Variants in SYT9 observed in about 807,000 individuals in gnomAD.
The protein encoded by SYT9 is synaptotagmin 9.
Under a neutral mutation model 48.4 loss-of-function variants are expected in SYT9, and 22 were observed. The observed-to-expected ratio is 0.45, with a 90% CI of 0.32 to 0.65. The LOEUF is 0.65. Ranked by LOEUF, SYT9 falls within the 30% of genes least tolerant of loss-of-function variation. The probability of loss-of-function intolerance (pLI) is 0.03; values close to 1 mark genes in which losing one functional copy is unlikely to be tolerated. For synonymous variants in SYT9, 265 were observed against 245.0 expected (o/e 1.08, Z -0.76); for missense variants, 577 against 622.0 (o/e 0.93, Z 0.77).
intron 3 of SYT9, among the ~76,000 whole-genome samples, chr11:7,363,548 T>C (rs7121609): frequency 0.022 from 3,310 of 152,308 alleles, 110 homozygotes; most frequent in African/African-American, 0.076. Context: ...GATAAATCTT[T>C]ACATTGAACA....
At chr11:7,270,208 C>G (rs1848269028) in intron 1 of SYT9, among the ~76,000 whole-genome samples, 1 of 152,014 alleles carries the variant, frequency 6.6e-6, no homozygotes, top group South Asian at 2.1e-4. Context: ...ATATTTTAAA[C>G]CATGTTGACC....
chr11:7,411,561 T>C (rs1196301412), intron 3 of SYT9, among the ~76,000 whole-genome samples: 1 of 152,206 alleles, frequency 6.6e-6, no homozygotes, highest in East Asian at 1.9e-4. Context: ...TTGCCCTGTA[T>C]TGTTTCTGCT....
intron 2 of SYT9, among the ~76,000 whole-genome samples, chr11:7,308,402 C>T (rs1040234085): frequency 2.6e-5 from 4 of 152,072 alleles, no homozygotes; most frequent in East Asian, 1.9e-4. Flanking sequence ...CATGAAAGCC[C>T]GCGATGGAAG....
chr11:7,365,051 TC>T (rs1287664597), intron 3 of SYT9, among the ~76,000 whole-genome samples: 2 of 152,042 alleles, frequency 1.3e-5, no homozygotes, highest in Non-Finnish European at 2.9e-5. Context: ...TCCAGACCCC[TC>T]CTCCCAGGCC....
At chr11:7,358,420 T>C (rs912927758) in intron 3 of SYT9, among the ~76,000 whole-genome samples, 2 of 152,180 alleles carry the variant, frequency 1.3e-5, no homozygotes, top group African/African-American at 4.8e-5. Context: ...CAATTTTTCT[T>C]CCTTTTTAAT....
chr11:7,463,671 G>A (rs1322825826), intron 6 of SYT9, among the ~76,000 whole-genome samples: 1 of 152,168 alleles, frequency 6.6e-6, no homozygotes, highest in African/African-American at 2.4e-5. Flanking sequence ...CCTTAATCCT[G>A]TCATCTTGTG....
chr11:7,414,861 T>C lies in SYT9; in HGVS notation c.1045-1181T>C, dbSNP rs192445574. On this transcript the variant is annotated intron_variant, in intron 3 of 6. Coordinates refer to ENST00000318881, the MANE Select transcript of SYT9 (RefSeq NM_175733.4). Reference sequence around the variant, plus strand: ...AGAACTGAGAAGGGGAGGGAAAGCTTTGGACATTGAGGGCAAGAACCTGAA... The same window carrying C: ...AGAACTGAGAAGGGGAGGGAAAGCTCTGGACATTGAGGGCAAGAACCTGAA... Among the ~76,000 whole-genome samples the C allele has an allele frequency of 3.7e-3, 558 of 152,226 alleles. 5 individuals are homozygous for C. Among genetic ancestry groups the C allele is most frequent in the Middle Eastern group, 0.01 (3 of 294 alleles).
intron 1 of SYT9, among the ~76,000 whole-genome samples, chr11:7,242,222 T>C (rs927233401): frequency 2.6e-5 from 4 of 152,172 alleles, no homozygotes; most frequent in Non-Finnish European, 4.4e-5. Flanking sequence ...AATGAAGGCA[T>C]AGATCTGACT....
At chr11:7,396,359 A>C (rs1364099430) in intron 3 of SYT9, among the ~76,000 whole-genome samples, 7 of 152,160 alleles carry the variant, frequency 4.6e-5, no homozygotes, top group Non-Finnish European at 1.0e-4. Context: ...AGTATCATAT[A>C]GTACATTGTC....
chr11:7,243,540 C>T (rs545404864), intron 1 of SYT9, among the ~76,000 whole-genome samples: 137 of 152,128 alleles, frequency 9.0e-4, no homozygotes, highest in Non-Finnish European at 1.7e-3. Flanking sequence ...TTTGTCAAAG[C>T]TTTGTTACTA....
At chr11:7,263,327 G>A (rs2119817058) in intron 1 of SYT9, among the ~76,000 whole-genome samples, 1 of 152,242 alleles carries the variant, frequency 6.6e-6, no homozygotes, top group Middle Eastern at 3.4e-3. Flanking sequence ...CTCACATGGT[G>A]GAAGGGGTTT....
intron 1 of SYT9, among the ~76,000 whole-genome samples, chr11:7,240,168 C>G (rs1168819376): frequency 1.3e-5 from 2 of 152,122 alleles, no homozygotes; most frequent in Non-Finnish European, 2.9e-5. Context: ...AAAACCAAGG[C>G]ACATCTCAGA....
intron 6 of SYT9, chr11:7,457,678 G>A (rs1257239824): frequency 1.3e-5 from 2 of 152,132 alleles, no homozygotes; most frequent in African/African-American, 2.4e-5. Flanking sequence ...CAAAGAGCCA[G>A]GCAACACCCA....
chr11:7,252,229 C>G lies in SYT9; in HGVS notation c.43C>G (p.Leu15Val). ...CGCGCTCTGTCACCAGGCGCTGCAGCTGCTGGCCGAGCTCTGTGCCCGTGG... is the reference window on the plus strand; with the variant it reads ...CGCGCTCTGTCACCAGGCGCTGCAGGTGCTGGCCGAGCTCTGTGCCCGTGG... Reference protein sequence around the residue: ...RDALCHQALQLLAELCARGAL... With the variant: ...RDALCHQALQVLAELCARGAL... Residue 15 changes from leucine (L) to valine (V), a missense_variant, in exon 1 of 7, where the codon CTG (leucine) becomes GTG (valine). Physicochemically the swap from Leu to Val is conservative, Grantham distance 32. Coordinates refer to ENST00000318881, the MANE Select transcript of SYT9 (RefSeq NM_175733.4). The surrounding 1 kb of genome is among the most constrained non-coding windows in gnomAD (Gnocchi z 6.3). 1 of 1,496,436 alleles carries G rather than the reference C, an allele frequency of 6.7e-7. No homozygotes were observed. The highest frequency in any genetic ancestry group is 8.9e-7 in the Non-Finnish European group (1 of 1,123,466). The allele number at this position is 1,496,436 out of a possible 1,614,324, so 92.7% of individuals were successfully genotyped here. A position where few individuals can be genotyped will look rare whatever the true frequency, so the allele number is the denominator to read the frequency against.
intron 1 of SYT9, among the ~76,000 whole-genome samples, chr11:7,283,396 A>C (rs1009622243): frequency 3.3e-5 from 5 of 152,060 alleles, no homozygotes; most frequent in African/African-American, 9.7e-5. Context: ...TTGCTCCACA[A>C]ATATTTTTAA....
rs951426571 is a variant in SYT9 at position 7,348,813 on chromosome 11, G to T, written c.1044+34872G>T. On this transcript the variant is annotated intron_variant, in intron 3 of 6. Transcript: ENST00000318881. ...TACTGTCTCTTAGATTTCATATCCAGTCATGGGCATCAGACCCGTATCCTG... is the reference window on the plus strand; with the variant it reads ...TACTGTCTCTTAGATTTCATATCCATTCATGGGCATCAGACCCGTATCCTG... Among the ~76,000 whole-genome samples the T allele has an allele frequency of 4.1e-5, 6 of 148,080 alleles. No homozygotes were observed. The Admixed American group carries it at 4.1e-4, about 10-fold the overall frequency.
chr11:7,465,478 T>C (rs1227861752), intron 6 of SYT9, among the ~76,000 whole-genome samples: 1 of 152,246 alleles, frequency 6.6e-6, no homozygotes, highest in Admixed American at 6.5e-5. Flanking sequence ...GTTTTTTCTC[T>C]CTATGGCCAC....
intron 3 of SYT9, among the ~76,000 whole-genome samples, chr11:7,316,959 T>A (rs1016687277): frequency 2.0e-5 from 3 of 152,262 alleles, no homozygotes; most frequent in Non-Finnish European, 4.4e-5. Context: ...TTTGTTTTCC[T>A]TTCCTTGTTG....
intron 3 of SYT9, among the ~76,000 whole-genome samples, chr11:7,363,752 A>C (rs1174836790): frequency 6.6e-6 from 1 of 152,200 alleles, no homozygotes; most frequent in African/African-American, 2.4e-5. Flanking sequence ...GAGTGTTTTC[A>C]CAAGGAGGGA....
Sources: allele counts gnomAD v4.1 joint callset (sites outside exome capture counted in the v4.1 genomes callset), GRCh38; gene constraint gnomAD v4.1.1; non-coding constraint Gnocchi (gnomAD v3.1); transcripts MANE v1.5; gene names NCBI Gene and HGNC (gene_info 2026-07-23, HGNC 2026-07-21).